Variants in SAMD3 observed in about 807,000 individuals in gnomAD.
The protein encoded by SAMD3 is sterile alpha motif domain containing 3, also known as sterile alpha motif domain-containing protein 3.
Under a neutral mutation model 58.5 loss-of-function variants are expected in SAMD3, and 63 were observed. The observed-to-expected ratio is 1.08, with a 90% CI of 0.88 to 1.33. The LOEUF is 1.33. Among genes scored for constraint, SAMD3 ranks in the 40% most tolerant of loss-of-function variants. The pLI is 0.00. For synonymous variants in SAMD3, 220 were observed against 210.3 expected, an observed-to-expected ratio of 1.05 and a Z score of -0.40; for missense variants, 604 against 608.4, an observed-to-expected ratio of 0.99 and a Z score of 0.08.
intron 7 of SAMD3, among the ~76,000 whole-genome samples, chr6:130,177,275 C>T (rs1417706339): frequency 3.3e-5 from 5 of 152,150 alleles, no homozygotes; most frequent in Admixed American, 1.3e-4. Flanking sequence ...TAAACCTCTA[C>T]AGAGAATTCG....
At chr6:130,230,393 T>C (rs113662245) in intron 2 of SAMD3, among the ~76,000 whole-genome samples, 34 of 152,242 alleles carry the variant, frequency 2.2e-4, no homozygotes, top group African/African-American at 7.5e-4. Flanking sequence ...TCTTCTTCTT[T>C]TTTTTCTTTT....
At chr6:130,323,633 T>C (rs1053073818) in intron 1 of SAMD3, among the ~76,000 whole-genome samples, 3 of 151,700 alleles carry the variant, frequency 2.0e-5, no homozygotes, top group African/African-American at 7.3e-5. Context: ...TGAAACACCA[T>C]CTCTACTTAA....
At chr6:130,162,861 A>C (rs1319651097) in intron 8 of SAMD3, among the ~76,000 whole-genome samples, 2 of 152,334 alleles carry the variant, frequency 1.3e-5, no homozygotes, top group African/African-American at 4.8e-5. Flanking sequence ...TATGGTAGCC[A>C]CTAGCCACAT....
chr6:130,281,818 C>T (rs1422685052), intron 2 of SAMD3, among the ~76,000 whole-genome samples: 3 of 151,822 alleles, frequency 2.0e-5, no homozygotes, highest in African/African-American at 7.3e-5. Context: ...GAGGCTGAGG[C>T]GGGAGAATCA....
chr6:130,295,001 G>T (rs758912918), intron 2 of SAMD3, among the ~76,000 whole-genome samples: 1 of 127,024 alleles, frequency 7.9e-6, no homozygotes, highest in African/African-American at 3.0e-5. Context: ...TCACCTTTCC[G>T]CAACCTCTGC....
intron 1 of SAMD3, among the ~76,000 whole-genome samples, chr6:130,321,156 G>T (rs151035696): frequency 6.6e-6 from 1 of 152,298 alleles, no homozygotes; most frequent in South Asian, 2.1e-4. Context: ...CCACAATGAG[G>T]TTACAAAAAG....
intron 4 of SAMD3, among the ~76,000 whole-genome samples, chr6:130,212,975 G>A (rs1176788935): frequency 1.3e-5 from 2 of 152,122 alleles, no homozygotes; most frequent in African/African-American, 4.8e-5. Context: ...ACAATGTTTA[G>A]AAATCCTTCA....
chr6:130,154,742 T>C (rs1196428779), intron 9 of SAMD3, 83 bp downstream of exon 9: 2 of 281,012 alleles, frequency 7.1e-6, no homozygotes, highest in African/African-American at 2.3e-5. Context: ...TATATATATA[T>C]GTATGTATAT....
intron 1 of SAMD3, among the ~76,000 whole-genome samples, chr6:130,319,257 A>G (rs945030364): frequency 3.9e-5 from 6 of 152,190 alleles, no homozygotes; most frequent in African/African-American, 1.4e-4. Flanking sequence ...ACATTTCCAA[A>G]TGTGATGAAA....
rs1052658322 is a variant in SAMD3, at chr6:130,167,054, G to A, written c.822+8787C>T. 3.9e-5 allele frequency among the ~76,000 whole-genome samples: 6 copies of A among 152,078 alleles called. No homozygotes were observed. In the East Asian group the frequency reaches 1.2e-3, roughly 29 times the overall value. ...TTCATAACCAGGTATGCATAACGGT[G>A]TTCTCTGTGGCGCAATTTATAGTGG... On this transcript the variant is annotated intron_variant, in intron 8 of 11. Transcript: ENST00000439090.
At chr6:130,365,515 C>T (rs1778113615), upstream of SAMD3, 3 of 985,320 alleles carry the variant, frequency 3.0e-6, no homozygotes, top group Non-Finnish European at 3.6e-6. Flanking sequence ...AGAAAGCGTC[C>T]GAGGGGCGTG....
At chr6:130,277,074 T>C (rs1219681774) in intron 2 of SAMD3, among the ~76,000 whole-genome samples, 2 of 152,116 alleles carry the variant, frequency 1.3e-5, no homozygotes, top group Non-Finnish European at 2.9e-5. Context: ...AAGACAAAAA[T>C]CTTGTGACTT....
At chr6:130,176,174 C>A (rs1230909334) in intron 7 of SAMD3, 166 bp from the exon 8 acceptor site, 2 of 688,654 alleles carry the variant, frequency 2.9e-6, no homozygotes, top group East Asian at 5.5e-5. Context: ...ATCCTCACAG[C>A]AATCTTGTGA....
chr6:130,162,875 G>A (rs1225887826), intron 8 of SAMD3, among the ~76,000 whole-genome samples: 1 of 152,174 alleles, frequency 6.6e-6, no homozygotes, highest in Non-Finnish European at 1.5e-5. Context: ...GCCACATGTG[G>A]CTTCTGAGCA....
At chr6:130,232,720 T>C (rs1000425) in intron 2 of SAMD3, among the ~76,000 whole-genome samples, 2,854 of 152,268 alleles carry the variant, frequency 0.019, 77 homozygotes, top group African/African-American at 0.064. Flanking sequence ...ACCTGGTTCA[T>C]AAAACTGAGG....
At chr6:130,182,020 G>A (rs1054651930) in intron 7 of SAMD3, among the ~76,000 whole-genome samples, 6 of 149,802 alleles carry the variant, frequency 4.0e-5, no homozygotes, top group East Asian at 2.0e-4. Flanking sequence ...AGTCGAGATC[G>A]TGCCACTGCA....
chr6:130,262,300 A>G (rs986098741), intron 2 of SAMD3, among the ~76,000 whole-genome samples: 1 of 151,088 alleles, frequency 6.6e-6, no homozygotes, highest in African/African-American at 2.4e-5. Context: ...GCTAACAGAA[A>G]AAAAGTAAGA....
At position 130,305,039 on chromosome 6, in the gene SAMD3, A is replaced by G. The variant is rs141297680; in HGVS notation, c.-188+7939T>C. On this transcript the variant is annotated intron_variant, in intron 2 of 13. Coordinates refer to the SAMD3 transcript ENST00000368134. Reference sequence around the variant, plus strand: ...AGCCTCTGTCTCCTGTGTTCAAGTGATTGTCATGCCTCAGCCTTTCAAGTA... The same window carrying G: ...AGCCTCTGTCTCCTGTGTTCAAGTGGTTGTCATGCCTCAGCCTTTCAAGTA... Among the ~76,000 whole-genome samples the G allele has an allele frequency of 1.9e-3, 265 of 138,024 alleles. 1 individual carries two copies. Among genetic ancestry groups the G allele is most frequent in the African/African-American group, 6.5e-3 (234 of 35,926 alleles). 90.5% of individuals were successfully genotyped at this position (138,024 alleles called of 152,430 possible).
chr6:130,358,846 C>A (rs184266205), intron 1 of SAMD3, among the ~76,000 whole-genome samples: 1 of 151,950 alleles, frequency 6.6e-6, no homozygotes, highest in Admixed American at 6.6e-5. Context: ...TACTCATATC[C>A]GTGGATATAG....
Sources: allele counts gnomAD v4.1 joint callset (sites outside exome capture counted in the v4.1 genomes callset), GRCh38; gene constraint gnomAD v4.1.1; transcripts MANE v1.5; gene names NCBI Gene and HGNC (gene_info 2026-07-23, HGNC 2026-07-21).